LPP: variants seen among roughly 807,000 people sequenced by gnomAD.
LPP encodes the protein LIM domain containing preferred translocation partner in lipoma, also known as lipoma-preferred partner.
Under a neutral mutation model 60.4 loss-of-function variants are expected in LPP, and 38 were observed. The observed-to-expected ratio is 0.63, with a 90% CI of 0.49 to 0.83. LPP has a LOEUF of 0.83. Ranked by LOEUF, LPP falls within the 40% of genes least tolerant of loss-of-function variation. LPP has a pLI of 0.00. For synonymous variants in LPP, 328 were observed against 290.8 expected (o/e 1.13, Z -1.30); for missense variants, 902 against 783.6 (o/e 1.15, Z -1.80).
chr3:188,158,244 CTT>C (rs1343390721), intron 1 of LPP, among the ~76,000 whole-genome samples: 1 of 151,992 alleles, frequency 6.6e-6, no homozygotes, highest in Non-Finnish European at 1.5e-5. Flanking sequence ...TGGAATCTGG[CTT>C]TGGAGGGCTG....
intron 2 of LPP, among the ~76,000 whole-genome samples, chr3:188,318,821 C>G (rs1294161178): frequency 7.0e-4 from 97 of 138,412 alleles, no homozygotes; most frequent in African/African-American, 1.6e-3. Context: ...TGCAGTGGCG[C>G]GATCTCGGCT....
At chr3:188,245,700 C>T (rs944250404) in intron 2 of LPP, among the ~76,000 whole-genome samples, 1 of 151,042 alleles carries the variant, frequency 6.6e-6, no homozygotes, top group African/African-American at 2.4e-5. Context: ...TGTGTGTGCC[C>T]TGCTTTTATT....
At chr3:188,607,368 AAGATATATATATATATAT>A (rs1560628066) in intron 6 of LPP, among the ~76,000 whole-genome samples, 1 of 83,674 alleles carries the variant, frequency 1.2e-5, no homozygotes, top group Non-Finnish European at 2.3e-5. Context: ...TTGAAAATAG[AAGATATATATATATATAT>A]ATATATATAT....
chr3:188,613,696 C>T (rs2151446757), intron 7 of LPP, among the ~76,000 whole-genome samples: 1 of 151,994 alleles, frequency 6.6e-6, no homozygotes, highest in Non-Finnish European at 1.5e-5. Flanking sequence ...TTTTCTTTTC[C>T]AGAATTAGAA....
At chr3:188,198,026 G>A (rs1276388502) in intron 1 of LPP, among the ~76,000 whole-genome samples, 1 of 152,138 alleles carries the variant, frequency 6.6e-6, no homozygotes, top group Non-Finnish European at 1.5e-5. Flanking sequence ...AACCTCATTC[G>A]TATACCTGTG....
intron 2 of LPP, among the ~76,000 whole-genome samples, chr3:188,245,961 C>T (rs563069434): frequency 7.6e-4 from 115 of 152,290 alleles, no homozygotes; most frequent in African/African-American, 2.8e-3. Context: ...TGTTTCTTGA[C>T]TGTAATTGTT....
intron 7 of LPP, among the ~76,000 whole-genome samples, chr3:188,698,521 C>T (rs145483080): frequency 6.0e-4 from 91 of 151,158 alleles, no homozygotes; most frequent in African/African-American, 2.2e-3. Context: ...ACGGAGGGCC[C>T]GCATGGAGGT....
chr3:188,509,178 C>G (rs1018915490), intron 5 of LPP, among the ~76,000 whole-genome samples: 1 of 152,194 alleles, frequency 6.6e-6, no homozygotes, highest in African/African-American at 2.4e-5. Context: ...TCTTATAACA[C>G]ACCAAGTATA....
intron 6 of LPP, among the ~76,000 whole-genome samples, chr3:188,566,699 G>T (rs1832256560): frequency 6.6e-6 from 1 of 151,850 alleles, no homozygotes; most frequent in African/African-American, 2.4e-5. Context: ...CTATGCTTGA[G>T]TTGTGTGTTT....
rs1230183015 is a variant in LPP, at chr3:188,751,399, A to G, written c.1241-8714A>G. Among the ~76,000 whole-genome samples the G allele has an allele frequency of 2.6e-5, 4 of 152,246 alleles. No individual in the cohort carries two copies. In the East Asian group the frequency reaches 7.7e-4, roughly 29 times the overall value. ...TGATTTTTCTGTTAGCAGATCAATC[A>G]TGAAATGAATTCTAAATATAGAAGA... On this transcript the variant is annotated intron_variant, in intron 8 of 11. Transcript: ENST00000617246.
rs1310150104 is a variant in LPP at position 188,407,807 on chromosome 3, T to C, written c.193+1494T>C. ...TTGTTTGTTTTTTTTTTTTTTTTTT[T>C]GAGATGGAGTTTCACTCTTGTTGCC... is the stretch of plus-strand genomic sequence containing the variant. On this transcript the variant is annotated intron_variant, in intron 4 of 11. Coordinates refer to ENST00000617246, the MANE Select transcript of LPP (RefSeq NM_001375462.1). Among the ~76,000 whole-genome samples the C allele has an allele frequency of 8.2e-5, 10 of 121,310 alleles. 2 individuals carry two copies. In the South Asian group the frequency reaches 1.2e-3, roughly 15 times the overall value. 79.6% of individuals were successfully genotyped at this position (121,310 alleles called of 152,430 possible).
chr3:188,538,449 A>G (rs946918320), intron 6 of LPP, among the ~76,000 whole-genome samples: 11 of 152,334 alleles, frequency 7.2e-5, no homozygotes, highest in African/African-American at 2.6e-4. Flanking sequence ...GATGCTGGAC[A>G]TATTTATTGA....
At chr3:188,678,801 A>G (rs1007561376) in intron 7 of LPP, among the ~76,000 whole-genome samples, 1 of 152,224 alleles carries the variant, frequency 6.6e-6, no homozygotes, top group Non-Finnish European at 1.5e-5. Flanking sequence ...GTTAAATCCT[A>G]GTCTTGTGGG....
At chr3:188,396,886 T>C (rs1047903200) in intron 3 of LPP, among the ~76,000 whole-genome samples, 7 of 152,158 alleles carry the variant, frequency 4.6e-5, no homozygotes, top group African/African-American at 1.7e-4. Context: ...TAAGAAGTTG[T>C]GGGAGGAGAT....
intron 2 of LPP, chr3:188,240,296 CCT>C: frequency 6.1e-6 from 1 of 164,838 alleles, no homozygotes; most frequent in Non-Finnish European, 1.3e-5. Flanking sequence ...TTACAGCTTG[CCT>C]AACAAGGTTG....
chr3:188,484,585 T>G lies in LPP; in HGVS notation c.194-7T>G. On this transcript the variant is annotated splice_region_variant and splice_polypyrimidine_tract_variant and intron_variant, in intron 4 of 11. Coordinates refer to ENST00000617246, the MANE Select transcript of LPP (RefSeq NM_001375462.1). ...TTAACTTCATGTTGTTTACTTCTTT[T>G]CTGTAGGTGATTTTCTTCCACCCCC... is the stretch of plus-strand genomic sequence containing the variant. 6.3e-7 allele frequency: 1 copy of G among 1,588,804 alleles called. No individual in the cohort carries two copies. The highest frequency in any genetic ancestry group is 8.6e-7 in the Non-Finnish European group (1 of 1,157,442).
chr3:188,160,405 G>A (rs781496374), intron 1 of LPP, among the ~76,000 whole-genome samples: 8 of 152,110 alleles, frequency 5.3e-5, no homozygotes, highest in Non-Finnish European at 8.8e-5. Context: ...TGTTGGCCAG[G>A]CTGGTCTTGA....
intron 5 of LPP, among the ~76,000 whole-genome samples, chr3:188,491,408 A>C (rs1808339283): frequency 6.6e-6 from 1 of 152,224 alleles, no homozygotes; most frequent in South Asian, 2.1e-4. Context: ...TGTTTTCAAA[A>C]GGGTGAGAAT....
chr3:188,848,893 G>T (rs1337905175), intron 9 of LPP, among the ~76,000 whole-genome samples: 2 of 151,696 alleles, frequency 1.3e-5, no homozygotes, highest in African/African-American at 4.8e-5. Context: ...TTGAGCCTAG[G>T]AGGCGGAGGT....
Sources: allele counts gnomAD v4.1 joint callset (sites outside exome capture counted in the v4.1 genomes callset), GRCh38; gene constraint gnomAD v4.1.1; transcripts MANE v1.5; gene names NCBI Gene and HGNC (gene_info 2026-07-23, HGNC 2026-07-21).